Variants in PCDH11X observed in about 807,000 individuals in gnomAD.
The protein encoded by PCDH11X is protocadherin-11 X-linked.
Under a neutral mutation model 53.3 loss-of-function variants are expected in PCDH11X, and 18 were observed. That is an observed-to-expected ratio of 0.34 (90% CI 0.23 to 0.50). PCDH11X has a LOEUF of 0.50. Among genes scored for constraint, PCDH11X ranks in the 20% least tolerant of loss-of-function variants. The probability of loss-of-function intolerance (pLI) is 0.98; values close to 1 mark genes in which losing one functional copy is unlikely to be tolerated. For synonymous variants in PCDH11X, 279 were observed against 393.3 expected, an observed-to-expected ratio of 0.71 and a Z score of 3.44; for missense variants, 570 against 1,032.4, an observed-to-expected ratio of 0.55 and a Z score of 6.14.
intron 6 of PCDH11X, among the ~76,000 whole-genome samples, chrX:92,064,381 A>G (rs183402216): frequency 0.033 from 3,634 of 110,128 alleles, 149 homozygotes; most frequent in African/African-American, 0.11. Context: ...AATACAATGC[A>G]CCAATTTTGA....
intron 6 of PCDH11X, among the ~76,000 whole-genome samples, chrX:91,990,817 G>A (rs2525277): frequency 0.28 from 27,920 of 100,983 alleles, 4,181 homozygotes; most frequent in African/African-American, 0.42. Context: ...ACTACTCACT[G>A]CGTGGCCTCC....
chrX:92,332,575 G>A (rs1331687657), intron 8 of PCDH11X, among the ~76,000 whole-genome samples: 1 of 111,651 alleles, frequency 9.0e-6, no homozygotes, highest in East Asian at 2.9e-4. Flanking sequence ...AACAATTATT[G>A]GCTTTAATTT....
At chrX:92,063,278 C>T (rs1224652457) in intron 6 of PCDH11X, among the ~76,000 whole-genome samples, 1 of 108,588 alleles carries the variant, frequency 9.2e-6, no homozygotes, top group Non-Finnish European at 1.9e-5. Context: ...TACCATGGCA[C>T]GTTTATACCT....
chrX:92,400,352 T>G (rs983236897), intron 9 of PCDH11X, among the ~76,000 whole-genome samples: 15 of 111,240 alleles, frequency 1.3e-4, no homozygotes, highest in Non-Finnish European at 2.8e-4. Context: ...TGTCAACTTT[T>G]GCAAACAATT....
intron 4 of PCDH11X, among the ~76,000 whole-genome samples, chrX:91,832,953 G>A (rs898437296): frequency 7.1e-5 from 7 of 98,849 alleles, no homozygotes; most frequent in African/African-American, 2.2e-4. Context: ...CGTCACCCAG[G>A]TATTAAGCCT....
At chrX:92,127,123 C>T (rs1211380484) in intron 6 of PCDH11X, among the ~76,000 whole-genome samples, 2 of 111,103 alleles carry the variant, frequency 1.8e-5, no homozygotes, top group East Asian at 2.8e-4. Flanking sequence ...ATTATTACTA[C>T]TAGTAAACAT....
intron 1 of PCDH11X, among the ~76,000 whole-genome samples, chrX:91,799,631 A>T: frequency 8.9e-6 from 1 of 112,399 alleles, no homozygotes. Context: ...CTTGAATAAA[A>T]ATGTATTATT....
Position 92,554,877 on chromosome X carries a change from G to A in PCDH11X, c.3368-63387G>A, listed in dbSNP as rs765272195. 3.2e-3 allele frequency among the ~76,000 whole-genome samples: 355 copies of A among 110,937 alleles called. 1 individual carries two copies. Among genetic ancestry groups the A allele is most frequent in the African/African-American group, 0.011 (332 of 30,621 alleles). On this transcript the variant is annotated intron_variant, in intron 10 of 10. Coordinates refer to ENST00000682573, the MANE Select transcript of PCDH11X (RefSeq NM_032968.5). ...TTTATATAAGCTAGCTCTTCCCACT[G>A]TCAACTTCCCACTTCCCACCAAACT... is the stretch of plus-strand genomic sequence containing the variant.
intron 9 of PCDH11X, among the ~76,000 whole-genome samples, chrX:92,450,533 G>A (rs1424996284): frequency 3.7e-5 from 4 of 107,721 alleles, no homozygotes; most frequent in South Asian, 4.1e-4. Context: ...TGTAGTGTCC[G>A]GTTTTTGTTC....
intron 9 of PCDH11X, among the ~76,000 whole-genome samples, chrX:92,391,063 A>G (rs892090511): frequency 2.9e-5 from 3 of 104,519 alleles, no homozygotes; most frequent in Admixed American, 1.1e-4. Context: ...TATAATTGCA[A>G]TCTCTTTACT....
intron 8 of PCDH11X, among the ~76,000 whole-genome samples, chrX:92,365,791 A>T (rs900018081): frequency 9.1e-6 from 1 of 109,697 alleles, no homozygotes; most frequent in South Asian, 4.0e-4. Flanking sequence ...ACATTTATTG[A>T]TTTGCATATG....
At chrX:91,951,235 A>G (rs1218578814) in intron 6 of PCDH11X, among the ~76,000 whole-genome samples, 2 of 110,572 alleles carry the variant, frequency 1.8e-5, no homozygotes, top group African/African-American at 6.6e-5. Context: ...GCTGTTTGCT[A>G]TGGAACACTG....
At chrX:92,391,688 A>C (rs2096421555) in intron 9 of PCDH11X, among the ~76,000 whole-genome samples, 1 of 111,384 alleles carries the variant, frequency 9.0e-6, no homozygotes, top group Admixed American at 9.6e-5. Flanking sequence ...TATGTTTATG[A>C]AGCCAGGGTT....
In PCDH11X at chrX:92,208,536, T is replaced by TATATATATATATATATAC. The variant is rs1408059749; in HGVS notation, c.3114+7082_3114+7083insTATATATATATATATACA. On this transcript the variant is annotated intron_variant, in intron 7 of 10. Coordinates refer to ENST00000682573, the MANE Select transcript of PCDH11X (RefSeq NM_032968.5). The stretch of plus-strand genomic sequence containing the variant: ...ATATATATATATATATATATATATA[T>TATATATATATATATATAC]ACAATTTTTTTTAAAGGAGGCTCTT... Among the ~76,000 whole-genome samples, 81 of 80,067 alleles carry TATATATATATATATATAC rather than the reference T, an allele frequency of 1.0e-3. 4 individuals are homozygous for TATATATATATATATATAC. Among genetic ancestry groups the TATATATATATATATATAC allele is most frequent in the African/African-American group, 3.8e-3 (76 of 20,193 alleles). 69.5% of individuals were successfully genotyped at this position (80,067 alleles called of 115,157 possible). A position where few individuals can be genotyped will look rare whatever the true frequency, so the allele number is the denominator to read the frequency against.
chrX:92,461,385 G>C (rs1346345832), intron 9 of PCDH11X, among the ~76,000 whole-genome samples: 1 of 109,620 alleles, frequency 9.1e-6, no homozygotes, highest in African/African-American at 3.3e-5. Flanking sequence ...ACAGAATAGA[G>C]AACCCACAAA....
At chrX:92,477,938 C>A (rs770235077) in intron 10 of PCDH11X, among the ~76,000 whole-genome samples, 1 of 107,542 alleles carries the variant, frequency 9.3e-6, no homozygotes, top group African/African-American at 3.4e-5. Flanking sequence ...AAAATCTCAT[C>A]TCAAATTATA....
intron 10 of PCDH11X, among the ~76,000 whole-genome samples, chrX:92,503,024 CA>C (rs1381236234): frequency 1.9e-5 from 2 of 105,725 alleles, no homozygotes; most frequent in African/African-American, 6.9e-5. Flanking sequence ...CTTAAATTTA[CA>C]AGAAAAAAAA....
rs761632311 is a variant in PCDH11X at position 92,328,940 on chromosome X, T to C, written c.3145-58795T>C. 4.5e-5 allele frequency among the ~76,000 whole-genome samples: 5 copies of C among 111,318 alleles called. No homozygotes were observed. In the East Asian group the frequency reaches 1.4e-3, roughly 32 times the overall value. On this transcript the variant is annotated intron_variant, in intron 8 of 10. Transcript: ENST00000682573. ...TATACCCCAACTCATTCCTTGAAAC[T>C]GGAATTACTCTGATACCAAAACCAG...
rs540601777 is a variant in PCDH11X at position 91,895,274 on chromosome X, G to T, written c.3033+16001G>T. ...TAAAGTTTATTTAACCACATAAGCT[G>T]CTATTCTGAAAATACATTTTTCACA... On this transcript the variant is annotated intron_variant, in intron 6 of 10. Coordinates refer to ENST00000682573, the MANE Select transcript of PCDH11X (RefSeq NM_032968.5). Among the ~76,000 whole-genome samples the T allele has an allele frequency of 2.7e-5, 3 of 111,187 alleles. No homozygotes were observed. The South Asian group carries it at 1.1e-3, about 42-fold the overall frequency.
Sources: gnomAD v4.1 joint callset for allele counts (sites outside exome capture counted in the v4.1 genomes callset) on GRCh38, gnomAD v4.1.1 for gene constraint, MANE v1.5 for transcripts, NCBI Gene and HGNC (gene_info 2026-07-23, HGNC 2026-07-21) for gene names.